The following FBXO25 variants were observed in gnomAD, a reference collection of about 807,000 sequenced individuals.
The protein encoded by FBXO25 is F-box only protein 25.
In FBXO25, 45 loss-of-function variants were observed where a neutral mutation model predicts 51.9. The ratio of observed to expected loss-of-function variants is 0.87; its 90% confidence interval spans 0.68 to 1.11. The LOEUF is 1.11. Among genes scored for constraint, FBXO25 ranks in the 50% most tolerant of loss-of-function variants. The pLI is 0.00. For synonymous variants in FBXO25, 199 were observed against 151.0 expected (o/e 1.32, Z -2.33); for missense variants, 507 against 428.5 (o/e 1.18, Z -1.62).
chr8:461,284 G>T (rs1055898659), intron 8 of FBXO25, among the ~76,000 whole-genome samples: 9 of 152,072 alleles, frequency 5.9e-5, no homozygotes, highest in African/African-American at 2.2e-4. Context: ...TCCATTCTCC[G>T]CTGCCAATAA....
chr8:408,614 C>G (rs370705226), intron 1 of FBXO25, among the ~76,000 whole-genome samples: 3 of 152,320 alleles, frequency 2.0e-5, no homozygotes, highest in African/African-American at 4.8e-5. Flanking sequence ...ATGGTAAGCT[C>G]TAATAAATGT....
chr8:458,682 C>G (rs963849876), intron 8 of FBXO25, 131 bp downstream of exon 8: 4 of 851,024 alleles, frequency 4.7e-6, no homozygotes, highest in Non-Finnish European at 7.2e-6. Flanking sequence ...CAGGAACAAT[C>G]AGAGTTTATT....
intron 5 of FBXO25, among the ~76,000 whole-genome samples, chr8:448,223 G>T (rs1166859989): frequency 6.6e-6 from 1 of 152,110 alleles, no homozygotes; most frequent in Non-Finnish European, 1.5e-5. Flanking sequence ...TTCTGCTCAG[G>T]TAAAAATAGA....
intron 5 of FBXO25, among the ~76,000 whole-genome samples, chr8:440,348 G>A (rs559116908): frequency 1.3e-5 from 2 of 152,220 alleles, no homozygotes; most frequent in African/African-American, 4.8e-5. Context: ...GAGGATTTAG[G>A]CAGAGGGATG....
chr8:466,160 A>G (rs1800147170), intron 9 of FBXO25, among the ~76,000 whole-genome samples: 1 of 152,226 alleles, frequency 6.6e-6, no homozygotes, highest in Non-Finnish European at 1.5e-5. Flanking sequence ...GTATTCAAAA[A>G]GAGCCATCTC....
At chr8:455,090 C>T (rs763164099) in intron 7 of FBXO25, among the ~76,000 whole-genome samples, 1 of 152,088 alleles carries the variant, frequency 6.6e-6, no homozygotes. Context: ...GCAGAATTGA[C>T]TCCTGTGAGA....
Position 476,541 on chromosome 8 carries a change from G to A in FBXO25, c.*7737G>A, listed in dbSNP as rs961611321. On this transcript the variant is annotated 3_prime_UTR_variant, in exon 10 of 10. Transcript: ENST00000350302. ...TACTTCATGCTCTTGACTAGCATAG[G>A]TCTGTTCAGATTTTCCATTTCTTCA... The A allele has an allele frequency of 6.6e-6, 1 of 152,126 alleles. No homozygotes were observed. The highest frequency in any genetic ancestry group is 2.4e-5 in the African/African-American group (1 of 41,422). The allele number at this position is 152,126 out of a possible 1,614,324, so 9.4% of individuals were successfully genotyped here.
intron 2 of FBXO25, among the ~76,000 whole-genome samples, chr8:417,271 C>G (rs1040276043): frequency 6.6e-6 from 1 of 152,162 alleles, no homozygotes; most frequent in Non-Finnish European, 1.5e-5. Context: ...TTGTTCAGGC[C>G]TATGCTTTAA....
Position 425,293 on chromosome 8 carries a change from GAT to G in FBXO25, c.135-6045_135-6044del, listed in dbSNP as rs534299187. Among the ~76,000 whole-genome samples, 139 of 151,220 alleles carry G rather than the reference GAT, an allele frequency of 9.2e-4. 1 individual carries two copies. Among genetic ancestry groups the G allele is most frequent in the African/African-American group, 3.0e-3 (124 of 41,184 alleles). On this transcript the variant is annotated intron_variant, in intron 2 of 9. Transcript: ENST00000350302. Reference sequence around the variant, plus strand: ...TAGTGTTGTTTTATTCTTAAAATTTGATATGTTTTTAAAGTCTCTTTTAATCT... The same window carrying G: ...TAGTGTTGTTTTATTCTTAAAATTTGATGTTTTTAAAGTCTCTTTTAATCT...
intron 7 of FBXO25, among the ~76,000 whole-genome samples, chr8:455,963 G>C (rs1799398948): frequency 6.6e-6 from 1 of 152,224 alleles, no homozygotes; most frequent in South Asian, 2.1e-4. Context: ...CCCAAATGCT[G>C]AGTTGTCACA....
At chr8:454,723 C>G (rs952563477) in intron 7 of FBXO25, among the ~76,000 whole-genome samples, 1 of 151,918 alleles carries the variant, frequency 6.6e-6, no homozygotes, top group Admixed American at 6.6e-5. Context: ...AATCCCATCT[C>G]TACTAAAAAT....
At chr8:411,569 A>C (rs768986028) in intron 1 of FBXO25, among the ~76,000 whole-genome samples, 1 of 152,144 alleles carries the variant, frequency 6.6e-6, no homozygotes, top group Non-Finnish European at 1.5e-5. Context: ...ATATTTATTC[A>C]TTCAGTAAAT....
chr8:456,354 C>T (rs1294970396), intron 7 of FBXO25, among the ~76,000 whole-genome samples: 5 of 152,146 alleles, frequency 3.3e-5, no homozygotes, highest in East Asian at 1.9e-4. Context: ...GGATTATAGG[C>T]GTGAGCCACC....
At chr8:446,314 C>T (rs977805142) in intron 5 of FBXO25, among the ~76,000 whole-genome samples, 8 of 152,094 alleles carry the variant, frequency 5.3e-5, no homozygotes, top group African/African-American at 1.9e-4. Flanking sequence ...GCATGTGTAA[C>T]TCTTCTTTTT....
rs1800422727 is a variant in FBXO25 at position 469,906 on chromosome 8, AG to A, written c.*1103del. 1.3e-5 allele frequency: 2 copies of A among 152,162 alleles called. No individual in the cohort carries two copies. Among genetic ancestry groups the A allele is most frequent in the South Asian group, 4.1e-4 (2 of 4,830 alleles). The allele number at this position is 152,162 out of a possible 1,614,324, so 9.4% of individuals were successfully genotyped here. A position where few individuals can be genotyped will look rare whatever the true frequency, so the allele number is the denominator to read the frequency against. ...ACTAAAAAAAGATTCTGGATTTTTCAGCCCCACTTCTGTGAACTGACACAAA... is the reference window on the plus strand; with the variant it reads ...ACTAAAAAAAGATTCTGGATTTTTCACCCCACTTCTGTGAACTGACACAAA... On this transcript the variant is annotated 3_prime_UTR_variant, in exon 10 of 10. Coordinates refer to ENST00000350302, the MANE Select transcript of FBXO25 (RefSeq NM_183420.2).
chr8:445,490 G>C (rs1798683041), intron 5 of FBXO25, among the ~76,000 whole-genome samples: 1 of 152,212 alleles, frequency 6.6e-6, no homozygotes, highest in South Asian at 2.1e-4. Flanking sequence ...GGTCATGTGA[G>C]TTATATCTAT....
intron 2 of FBXO25, among the ~76,000 whole-genome samples, chr8:414,790 C>G (rs192244468): frequency 9.2e-5 from 14 of 152,290 alleles, no homozygotes; most frequent in Admixed American, 2.6e-4. Flanking sequence ...CGCTGGGTAC[C>G]CTCTGTAGGG....
chr8:455,737 G>T (rs1211687698), intron 7 of FBXO25, among the ~76,000 whole-genome samples: 6 of 152,232 alleles, frequency 3.9e-5, no homozygotes, highest in Admixed American at 3.9e-4. Context: ...TTCCAGTGCA[G>T]TGTAGGTGTG....
rs557017008 is a variant in FBXO25 at position 473,701 on chromosome 8, G to C, written c.*4897G>C. ...GGCTGGCTCTTGGACCATAACCAGC[G>C]TTCACTGAGGATGCGGTTTCTTTGA... is the stretch of plus-strand genomic sequence containing the variant. On this transcript the variant is annotated 3_prime_UTR_variant, in exon 10 of 10. Coordinates refer to ENST00000350302, the MANE Select transcript of FBXO25 (RefSeq NM_183420.2). The C allele has an allele frequency of 2.0e-5, 3 of 151,760 alleles. No individual in the cohort carries two copies. The highest frequency in any genetic ancestry group is 2.0e-4 in the East Asian group (1 of 5,128). The allele number at this position is 151,760 out of a possible 1,614,324, so 9.4% of individuals were successfully genotyped here.
Sources: gnomAD v4.1 joint callset for allele counts (sites outside exome capture counted in the v4.1 genomes callset) on GRCh38, gnomAD v4.1.1 for gene constraint, MANE v1.5 for transcripts, NCBI Gene and HGNC (gene_info 2026-07-23, HGNC 2026-07-21) for gene names.